OSBPL8: variants seen among roughly 807,000 people sequenced by gnomAD.
OSBPL8 encodes oxysterol binding protein like 8.
Under a neutral mutation model 125.5 loss-of-function variants are expected in OSBPL8, and 59 were observed. The ratio of observed to expected loss-of-function variants is 0.47; its 90% CI spans 0.38 to 0.58. OSBPL8 has a LOEUF of 0.58. Among genes scored for constraint, OSBPL8 ranks in the 20% least tolerant of loss-of-function variants. The pLI is 0.00. For synonymous variants in OSBPL8, 330 were observed against 338.9 expected (o/e 0.97, Z 0.29); for missense variants, 758 against 1,047.8 (o/e 0.72, Z 3.82).
At chr12:76,472,670 G>C (rs1351174101) in intron 2 of OSBPL8, among the ~76,000 whole-genome samples, 1 of 152,250 alleles carries the variant, frequency 6.6e-6, no homozygotes, top group Non-Finnish European at 1.5e-5. Context: ...GAGGCAGAGA[G>C]AGACAGGGAG....
intron 21 of OSBPL8, chr12:76,366,465 T>G (rs1195162686): frequency 5.8e-6 from 2 of 345,374 alleles, no homozygotes; most frequent in Non-Finnish European, 1.1e-5. Flanking sequence ...GTTTATCGAT[T>G]TTGTTGATTT....
At chr12:76,462,308 C>T (rs1295680145) in intron 2 of OSBPL8, among the ~76,000 whole-genome samples, 1 of 152,152 alleles carries the variant, frequency 6.6e-6, no homozygotes, top group Non-Finnish European at 1.5e-5. Context: ...TTAGCATATA[C>T]AACTACTAAA....
At chr12:76,524,522 A>G (rs1363182679) in intron 1 of OSBPL8, among the ~76,000 whole-genome samples, 1 of 152,206 alleles carries the variant, frequency 6.6e-6, no homozygotes, top group Non-Finnish European at 1.5e-5. Context: ...AACGGGTATA[A>G]TAATTGGAAA....
intron 5 of OSBPL8, among the ~76,000 whole-genome samples, chr12:76,410,047 C>T (rs1040281317): frequency 3.5e-5 from 5 of 143,610 alleles, no homozygotes; most frequent in African/African-American, 1.3e-4. Context: ...GAATTTTCTT[C>T]AAGAAAAAAA....
chr12:76,539,940 G>A (rs879318861), intron 1 of OSBPL8, among the ~76,000 whole-genome samples: 7 of 152,116 alleles, frequency 4.6e-5, no homozygotes, highest in Non-Finnish European at 1.0e-4. Flanking sequence ...GAAAACAGTC[G>A]GCTTCAAGGA....
chr12:76,555,431 T>C (rs1333180529), intron 1 of OSBPL8, among the ~76,000 whole-genome samples: 3 of 152,216 alleles, frequency 2.0e-5, no homozygotes, highest in Non-Finnish European at 4.4e-5. Flanking sequence ...ATTTTGATTC[T>C]GATCAATTTA....
At chr12:76,441,625 A>G (rs1872190112) in intron 4 of OSBPL8, among the ~76,000 whole-genome samples, 1 of 152,172 alleles carries the variant, frequency 6.6e-6, no homozygotes, top group Non-Finnish European at 1.5e-5. Context: ...AGAAACGAGT[A>G]CAGGTAATAG....
At chr12:76,519,025 G>A (rs927681234) in intron 1 of OSBPL8, among the ~76,000 whole-genome samples, 4 of 152,154 alleles carry the variant, frequency 2.6e-5, no homozygotes, top group Admixed American at 2.6e-4. Context: ...TTGCTCCACT[G>A]CCTGCTTGGA....
intron 1 of OSBPL8, among the ~76,000 whole-genome samples, chr12:76,489,023 T>A (rs756782088): frequency 8.5e-5 from 13 of 152,214 alleles, no homozygotes; most frequent in Non-Finnish European, 1.6e-4. Flanking sequence ...ATTGCTGATA[T>A]ACAGCAAGTT....
At chr12:76,528,065 G>C (rs1209621404) in intron 1 of OSBPL8, among the ~76,000 whole-genome samples, 1 of 152,180 alleles carries the variant, frequency 6.6e-6, no homozygotes, top group Non-Finnish European at 1.5e-5. Context: ...GCTCACACCT[G>C]TAATCCCAGC....
chr12:76,490,761 G>A (rs1397248893), intron 1 of OSBPL8, among the ~76,000 whole-genome samples: 2 of 152,208 alleles, frequency 1.3e-5, no homozygotes, highest in African/African-American at 2.4e-5. Context: ...GCCATCTCAT[G>A]CAAAAAGGCA....
At position 76,462,041 on chromosome 12, in the gene OSBPL8, C is replaced by T. The variant is rs74103468; in HGVS notation, c.43-2146G>A. 2.3e-3 allele frequency among the ~76,000 whole-genome samples: 353 copies of T among 152,264 alleles called. 4 individuals carry two copies. The highest frequency in any genetic ancestry group is 8.2e-3 in the African/African-American group (341 of 41,538). On this transcript the variant is annotated intron_variant, in intron 2 of 23. Coordinates refer to ENST00000261183, the MANE Select transcript of OSBPL8 (RefSeq NM_020841.5). ...CTTCCTGAATTGATATAAATGATTG[C>T]ATCGTTTCCCTAGATTTATCAGTAA...
chr12:76,384,485 G>C, intron 14 of OSBPL8, 135 bp from the exon 15 acceptor site: 1 of 457,982 alleles, frequency 2.2e-6, no homozygotes, highest in East Asian at 3.5e-5. Context: ...CATTTAATAA[G>C]TAGTAAAAAT....
intron 2 of OSBPL8, among the ~76,000 whole-genome samples, chr12:76,480,167 C>CAAAAAAA (rs57582036): frequency 3.0e-3 from 170 of 56,208 alleles, no homozygotes; most frequent in South Asian, 3.8e-3. Flanking sequence ...AACTCCATCT[C>CAAAAAAA]AAAAAAAAAA....
rs373741362 is a variant in OSBPL8, at chr12:76,549,420, CCTT to C, written c.-68+9974_-68+9976del. Among the ~76,000 whole-genome samples, 104 of 152,244 alleles carry C rather than the reference CCTT, an allele frequency of 6.8e-4. 2 individuals carry two copies. In the East Asian group the frequency reaches 0.017, roughly 25 times the overall value. On this transcript the variant is annotated intron_variant, in intron 1 of 23. Transcript: ENST00000261183. ...TAGTGAATCAGACTGATACATGACT[CCTT>C]CTTTTTTTCTTTTGAGACGGAGTCT...
chr12:76,502,000 C>G (rs1453504261), intron 1 of OSBPL8, among the ~76,000 whole-genome samples: 2 of 152,208 alleles, frequency 1.3e-5, no homozygotes, highest in Non-Finnish European at 2.9e-5. Context: ...AAATGTAGTA[C>G]AGCAATGAAT....
chr12:76,356,162 T>TGGGGGGGTGGTTTGGGGGGG (rs1951977503), intron 23 of OSBPL8, 141 bp from the exon 24 acceptor site: 2 of 131,834 alleles, frequency 1.5e-5, no homozygotes, highest in Non-Finnish European at 3.1e-5. Flanking sequence ...TATGTAGGGG[T>TGGGGGGGTGGTTTGGGGGGG]GGGGGGGGGC....
intron 2 of OSBPL8, among the ~76,000 whole-genome samples, chr12:76,470,212 G>A (rs1339027311): frequency 6.6e-6 from 1 of 152,210 alleles, no homozygotes; most frequent in Non-Finnish European, 1.5e-5. Context: ...TGCATCTGGT[G>A]AGACTGCTGG....
rs192286965 is a variant in OSBPL8, at chr12:76,424,829, G to C, written c.218-14195C>G. Among the ~76,000 whole-genome samples the C allele has an allele frequency of 6.6e-3, 997 of 151,990 alleles. 6 individuals carry two copies. The highest frequency in any genetic ancestry group is 0.037 in the Middle Eastern group (11 of 294). On this transcript the variant is annotated intron_variant, in intron 4 of 23. Transcript: ENST00000261183. The stretch of plus-strand genomic sequence containing the variant: ...AACTCAAGTAAAATCAAGAAAAGGG[G>C]TATTTTAAAAAAATAAACAAATATC...
Sources: gnomAD v4.1 joint callset for allele counts (sites outside exome capture counted in the v4.1 genomes callset) on GRCh38, gnomAD v4.1.1 for gene constraint, MANE v1.5 for transcripts, NCBI Gene and HGNC (gene_info 2026-07-23, HGNC 2026-07-21) for gene names.